The following PKNOX2 variants were observed in gnomAD, a reference collection of about 807,000 sequenced individuals.
PKNOX2 encodes homeobox protein PKNOX2.
A neutral mutation model predicts 53.1 loss-of-function variants in PKNOX2; 14 were observed. That is an observed-to-expected ratio of 0.26 (90% CI 0.17 to 0.41). PKNOX2 has a LOEUF of 0.41. PKNOX2 is among the 10% of genes least tolerant of loss of function. The pLI is 1.00. For missense variants in PKNOX2, 496 were observed against 602.8 expected, an observed-to-expected ratio of 0.82 and a Z score of 1.85; for synonymous variants, 257 against 242.8, an observed-to-expected ratio of 1.06 and a Z score of -0.54.
intron 2 of PKNOX2, among the ~76,000 whole-genome samples, chr11:125,276,459 G>A (rs777302488): frequency 3.3e-5 from 5 of 152,182 alleles, no homozygotes; most frequent in Admixed American, 6.5e-5. Flanking sequence ...TGGCACGGGA[G>A]AATGGGTTCA....
chr11:125,423,486 C>T (rs1956269621), intron 10 of PKNOX2, among the ~76,000 whole-genome samples: 1 of 152,190 alleles, frequency 6.6e-6, no homozygotes, highest in Non-Finnish European at 1.5e-5. Flanking sequence ...TCACCTTTAA[C>T]CTGCAGATGC....
At chr11:125,320,053 C>T (rs1191334083) in intron 2 of PKNOX2, among the ~76,000 whole-genome samples, 1 of 152,224 alleles carries the variant, frequency 6.6e-6, no homozygotes, top group Non-Finnish European at 1.5e-5. Flanking sequence ...ATCTTTCTAG[C>T]TGTTTAAAGG....
chr11:125,282,043 G>A (rs1946593776), intron 2 of PKNOX2, among the ~76,000 whole-genome samples: 1 of 152,202 alleles, frequency 6.6e-6, no homozygotes, highest in Non-Finnish European at 1.5e-5. Context: ...TGCTGTTGTG[G>A]TGTCTGTCAC....
At chr11:125,376,102 G>C (rs560018808) in intron 5 of PKNOX2, among the ~76,000 whole-genome samples, 1 of 152,138 alleles carries the variant, frequency 6.6e-6, no homozygotes, top group Admixed American at 6.5e-5. Context: ...GAGTGTGTGC[G>C]TGCATGTGTC....
intron 2 of PKNOX2, among the ~76,000 whole-genome samples, chr11:125,292,444 G>C (rs551758569): frequency 2.0e-5 from 3 of 152,320 alleles, no homozygotes; most frequent in Admixed American, 2.0e-4. Context: ...GTGTGATGCT[G>C]GGTGGGGTGG....
At chr11:125,279,144 C>T (rs918275439) in intron 2 of PKNOX2, among the ~76,000 whole-genome samples, 1 of 152,334 alleles carries the variant, frequency 6.6e-6, no homozygotes, top group Non-Finnish European at 1.5e-5. Context: ...TGCCCTGGCT[C>T]GTCTGGTTTT....
chr11:125,427,958 A>G (rs961365900), intron 10 of PKNOX2, among the ~76,000 whole-genome samples: 4 of 152,152 alleles, frequency 2.6e-5, no homozygotes, highest in South Asian at 4.1e-4. Context: ...ACTGCCACCC[A>G]GAGCCTTCTC....
intron 1 of PKNOX2, among the ~76,000 whole-genome samples, chr11:125,201,264 G>A (rs1325349176): frequency 2.0e-5 from 3 of 152,058 alleles, no homozygotes; most frequent in Non-Finnish European, 2.9e-5. Context: ...GGAGACATGC[G>A]GGAGCTCTGA....
chr11:125,332,967 G>A (rs987344858), intron 3 of PKNOX2, among the ~76,000 whole-genome samples: 1 of 152,196 alleles, frequency 6.6e-6, no homozygotes, highest in Non-Finnish European at 1.5e-5. Flanking sequence ...AGGGGTGGGT[G>A]GCATGGGAGA....
At position 125,351,273 on chromosome 11, in the gene PKNOX2, C is replaced by T; in HGVS notation, c.-22-11C>T. 2 of 1,284,696 alleles carry T rather than the reference C, an allele frequency of 1.6e-6. No homozygotes were observed. The highest frequency in any genetic ancestry group is 2.3e-6 in the Non-Finnish European group (2 of 888,192). The allele number at this position is 1,284,696 out of a possible 1,614,324, so 79.6% of individuals were successfully genotyped here. On this transcript the variant is annotated splice_polypyrimidine_tract_variant and intron_variant, in intron 3 of 12. Coordinates refer to ENST00000298282, the MANE Select transcript of PKNOX2 (RefSeq NM_001382323.2). ...GTGTTAACGGTGCGGCCCCCTTTCT[C>T]CTGCCCACAGGTCCTCCATGTGAAT...
chr11:125,352,099 C>G lies in PKNOX2; in HGVS notation c.87+707C>G, dbSNP rs1249652756. Among the ~76,000 whole-genome samples the G allele has an allele frequency of 6.6e-6, 1 of 152,118 alleles. No homozygotes were observed. The highest frequency in any genetic ancestry group is 1.5e-5 in the Non-Finnish European group (1 of 68,028). ...CTGCCTGCCCTTCTCCTCCTGGAAG[C>G]CTGCCCAGCTTGTGGGGGCTGCCCT... On this transcript the variant is annotated intron_variant, in intron 4 of 12. Coordinates refer to ENST00000298282, the MANE Select transcript of PKNOX2 (RefSeq NM_001382323.2). This position sits in a 1 kb window ranked among gnomAD's most constrained non-coding sequence, Gnocchi z 4.1.
At chr11:125,238,323 A>G (rs1342891097) in intron 2 of PKNOX2, among the ~76,000 whole-genome samples, 1 of 152,200 alleles carries the variant, frequency 6.6e-6, no homozygotes, top group Admixed American at 6.5e-5. Context: ...TTGGAGGAAG[A>G]GTCTTGGATT....
At chr11:125,339,192 G>A (rs544311709) in intron 3 of PKNOX2, among the ~76,000 whole-genome samples, 3 of 152,306 alleles carry the variant, frequency 2.0e-5, no homozygotes, top group East Asian at 3.9e-4. Context: ...CTCCGTCCTC[G>A]CACTTCTGTT....
chr11:125,392,573 C>T (rs1382993087), intron 6 of PKNOX2, among the ~76,000 whole-genome samples: 1 of 152,210 alleles, frequency 6.6e-6, no homozygotes, highest in African/African-American at 2.4e-5. Flanking sequence ...GGTCACTGTG[C>T]ACCAGACCTG....
intron 4 of PKNOX2, among the ~76,000 whole-genome samples, chr11:125,365,058 G>T: frequency 6.6e-6 from 1 of 152,184 alleles, no homozygotes. Flanking sequence ...CAAATGCATT[G>T]CTTGTAGTTT....
chr11:125,195,732 A>G (rs977955849), intron 1 of PKNOX2, among the ~76,000 whole-genome samples: 3 of 152,170 alleles, frequency 2.0e-5, no homozygotes, highest in Non-Finnish European at 2.9e-5. Flanking sequence ...GGAAATGGCC[A>G]GTGGGGCAGT....
At chr11:125,397,773 G>T in intron 6 of PKNOX2, 101 bp from the exon 7 acceptor site, 1 of 1,231,854 alleles carries the variant, frequency 8.1e-7, no homozygotes, top group Non-Finnish European at 1.1e-6. Context: ...GCTACGGCAG[G>T]GGGTGGGCTC....
At chr11:125,281,417 G>T (rs933966448) in intron 2 of PKNOX2, among the ~76,000 whole-genome samples, 2 of 152,192 alleles carry the variant, frequency 1.3e-5, no homozygotes, top group Non-Finnish European at 2.9e-5. Flanking sequence ...TGCTAGACAA[G>T]GTGGGCTTGT....
intron 3 of PKNOX2, among the ~76,000 whole-genome samples, chr11:125,347,025 T>A (rs981134511): frequency 5.9e-5 from 9 of 152,066 alleles, no homozygotes; most frequent in Non-Finnish European, 1.3e-4. Context: ...AGGGACTCAC[T>A]TCCCCGGGGC....
Sources: allele counts gnomAD v4.1 joint callset (sites outside exome capture counted in the v4.1 genomes callset), GRCh38; gene constraint gnomAD v4.1.1; non-coding constraint Gnocchi (gnomAD v3.1); transcripts MANE v1.5; gene names NCBI Gene and HGNC (gene_info 2026-07-23, HGNC 2026-07-21).